The following KRT82 variants were observed in gnomAD, a reference collection of about 807,000 sequenced individuals.
KRT82 encodes keratin, type II cuticular Hb2.
In KRT82, 44 loss-of-function variants were observed where a neutral mutation model predicts 48.0. The ratio of observed to expected loss-of-function variants is 0.92; its 90% CI spans 0.72 to 1.18. The LOEUF (loss-of-function observed/expected upper bound fraction) is 1.18. Among genes scored for constraint, KRT82 ranks in the 50% most tolerant of loss-of-function variants. KRT82 has a pLI of 0.00. For missense variants in KRT82, 701 were observed against 671.4 expected (o/e 1.04, Z -0.49); for synonymous variants, 297 against 278.3 (o/e 1.07, Z -0.67).
In KRT82 at chr12:52,400,106, A is replaced by G; in HGVS notation, c.821T>C (p.Ile274Thr). Reference sequence around the variant, plus strand: ...CTCCCGGCTGTTGTCCATCTTCACAATGACCGAGGTCTCAGAGATCTGAGA... The same window carrying G: ...CTCCCGGCTGTTGTCCATCTTCACAGTGACCGAGGTCTCAGAGATCTGAGA... ...LQSQISETSV[I>T]VKMDNSRELD... Residue 274 changes from isoleucine to threonine, a missense_variant, in exon 5 of 9, where the codon ATT becomes ACT. Transcript: ENST00000257974. 1 of 1,614,032 alleles carries G rather than the reference A, an allele frequency of 6.2e-7. No individual in the cohort carries two copies. Among genetic ancestry groups the G allele is most frequent in the Non-Finnish European group, 8.5e-7 (1 of 1,179,932 alleles).
rs764267511 is a variant in KRT82 at position 52,406,240 on chromosome 12, C to A, written c.38G>T (p.Gly13Val). Residue 13 changes from glycine (G) to valine (V), a missense_variant, in exon 1 of 9, where the codon GGC becomes GTC. By Grantham distance (109) the Gly-to-Val change is moderately radical (BLOSUM62 -3). Coordinates refer to ENST00000257974, the MANE Select transcript of KRT82 (RefSeq NM_033033.4). The stretch of plus-strand genomic sequence containing the variant: ...CGAGTATGAGCTGAAACTCTGACTG[C>A]CACACCTGGAGCCTGGCTGGAAAGA... Reference protein sequence around the residue: ...YHSFQPGSRCGSQSFSSYSAV... With the variant: ...YHSFQPGSRCVSQSFSSYSAV... 8.1e-6 allele frequency: 13 copies of A among 1,606,702 alleles called. No homozygotes were observed. In the Admixed American group the frequency reaches 1.8e-4, roughly 23 times the overall value.
At chr12:52,400,740 T>C in intron 3 of KRT82, 118 bp from the exon 4 acceptor site, 1 of 707,898 alleles carries the variant, frequency 1.4e-6, no homozygotes, top group South Asian at 1.7e-5. Context: ...ATCGAAGGGG[T>C]GATGGAGCCG....
rs764314871 is a variant in KRT82 at position 52,406,043 on chromosome 12, C to T, written c.235G>A (p.Gly79Arg). Reference sequence around the variant, plus strand: ...CCACAGGTGGCTCCCAGTCGGTACCCGAAGCCAGGCAGGGTACCTCCACAC... The same window carrying T: ...CCACAGGTGGCTCCCAGTCGGTACCTGAAGCCAGGCAGGGTACCTCCACAC... Reference protein sequence around the residue: ...SRCGGTLPGFGYRLGATCGPS... With the variant: ...SRCGGTLPGFRYRLGATCGPS... Residue 79 changes from glycine to arginine, a missense_variant, in exon 1 of 9, where the codon GGG becomes AGG. Transcript: ENST00000257974. 3.7e-5 allele frequency: 60 copies of T among 1,614,012 alleles called. No homozygotes were observed. The highest frequency in any genetic ancestry group is 3.3e-4 in the Middle Eastern group (2 of 6,084).
intron 6 of KRT82, 114 bp from the exon 7 acceptor site, chr12:52,396,346 T>C (rs1939715244): frequency 2.0e-6 from 2 of 979,104 alleles, no homozygotes; most frequent in East Asian, 2.6e-5. Flanking sequence ...ATTTGCGAGC[T>C]TCATCCTAGG....
chr12:52,395,440 TCA>T (rs1327462389), intron 8 of KRT82, among the ~76,000 whole-genome samples: 2 of 152,280 alleles, frequency 1.3e-5, no homozygotes, highest in Non-Finnish European at 2.9e-5. Context: ...TCACCATTTC[TCA>T]GTTTCTACTG....
chr12:52,400,474 C>T (rs1007553321), intron 4 of KRT82, 53 bp downstream of exon 4: 16 of 1,396,574 alleles, frequency 1.1e-5, no homozygotes, highest in Middle Eastern at 1.8e-4. Context: ...GCTGCCCTCT[C>T]GATCCCTTGG....
intron 2 of KRT82, among the ~76,000 whole-genome samples, chr12:52,401,752 G>A (rs1415148617): frequency 1.3e-5 from 2 of 151,962 alleles, no homozygotes; most frequent in African/African-American, 2.4e-5. Flanking sequence ...CATCCTCCTC[G>A]CTGGGAGGGT....
intron 1 of KRT82, 23 bp from the exon 2 acceptor site, chr12:52,403,932 A>G (rs993907192): frequency 6.2e-7 from 1 of 1,608,140 alleles, no homozygotes; most frequent in Non-Finnish European, 8.5e-7. Context: ...ATGGAATATC[A>G]CCAGGCAGCA....
chr12:52,399,381 C>T (rs756875600), intron 5 of KRT82, among the ~76,000 whole-genome samples: 7 of 152,194 alleles, frequency 4.6e-5, no homozygotes, highest in Admixed American at 6.5e-5. Context: ...GTGCTTGGCA[C>T]GTGGTTGATG....
Position 52,400,133 on chromosome 12 carries a change from T to C in KRT82, c.794A>G (p.Gln265Arg), listed in dbSNP as rs1370589952. The C allele has an allele frequency of 6.2e-7, 1 of 1,613,640 alleles. No individual in the cohort carries two copies. Among genetic ancestry groups the C allele is most frequent in the South Asian group, 1.1e-5 (1 of 91,056 alleles). The part of the protein sequence containing the change: ...SLYEEEICLL[Q>R]SQISETSVIV... ...GACCGAGGTCTCAGAGATCTGAGAC[T>C]GGAGCAGGCAGATCTCCTGGGGGCA... The change falls in exon 5 of 9, where the codon CAG becomes CGG. Residue 265 changes from glutamine (Q) to arginine (R), a missense_variant. Transcript: ENST00000257974.
At chr12:52,397,646 G>A (rs1437049832) in intron 5 of KRT82, among the ~76,000 whole-genome samples, 2 of 152,186 alleles carry the variant, frequency 1.3e-5, no homozygotes, top group African/African-American at 2.4e-5. Context: ...TATAGAAAAT[G>A]CAAAATGAGA....
rs1458454145 is a variant in KRT82, at chr12:52,395,753, A to C, written c.1321+6T>G. On this transcript the variant is annotated splice_donor_region_variant and intron_variant, in intron 8 of 8. Coordinates refer to ENST00000257974, the MANE Select transcript of KRT82 (RefSeq NM_033033.4). The stretch of plus-strand genomic sequence containing the variant: ...AGAGCCAGTGGGGCATGGCTCATCT[A>C]CTTACAGATATTCACGGGCCCGATG... 1 of 1,557,448 alleles carries C rather than the reference A, an allele frequency of 6.4e-7. No individual in the cohort carries two copies. Among genetic ancestry groups the C allele is most frequent in the Non-Finnish European group, 8.6e-7 (1 of 1,156,706 alleles).
chr12:52,404,186 C>T (rs1939824339), intron 1 of KRT82, among the ~76,000 whole-genome samples: 2 of 152,206 alleles, frequency 1.3e-5, no homozygotes, highest in South Asian at 4.1e-4. Flanking sequence ...AGTCCTGTTT[C>T]AGCACTGCCT....
intron 5 of KRT82, among the ~76,000 whole-genome samples, chr12:52,397,576 T>G (rs916782682): frequency 6.6e-6 from 1 of 152,242 alleles, no homozygotes; most frequent in Non-Finnish European, 1.5e-5. Flanking sequence ...CAGATTACAT[T>G]TGTAAGTTTT....
At chr12:52,405,803 G>C (rs1196377628) in intron 1 of KRT82, 64 bp downstream of exon 1, 3 of 1,520,254 alleles carry the variant, frequency 2.0e-6, no homozygotes, top group Non-Finnish European at 2.7e-6. Context: ...CCTTGGACCA[G>C]AACAAGACCA....
intron 7 of KRT82, 27 bp from the exon 8 acceptor site, chr12:52,395,817 G>C (rs1939704779): frequency 1.3e-6 from 2 of 1,522,106 alleles, no homozygotes; most frequent in East Asian, 4.5e-5. Context: ...AAAGAAAACA[G>C]GTATCTACAT....
Position 52,403,699 on chromosome 12 carries a change from A to G in KRT82, c.620+2T>C. On this transcript the variant is annotated splice_donor_variant, in intron 2 of 8. Transcript: ENST00000257974. LOFTEE classifies it high-confidence loss of function. ...AGTGGGGTAAAAGCAGCACTGACTCACTTTTTCTTGTAGCCCTCCAGTGCA... is the reference window on the plus strand; with the variant it reads ...AGTGGGGTAAAAGCAGCACTGACTCGCTTTTTCTTGTAGCCCTCCAGTGCA... The G allele has an allele frequency of 1.3e-6, 2 of 1,584,104 alleles. No homozygotes were observed. The highest frequency in any genetic ancestry group is 1.7e-6 in the Non-Finnish European group (2 of 1,154,258).
Position 52,405,887 on chromosome 12 carries a change from A to G in KRT82, c.391T>C (p.Phe131Leu). 1 of 1,612,538 alleles carries G rather than the reference A, an allele frequency of 6.2e-7. No homozygotes were observed. Among genetic ancestry groups the G allele is most frequent in the Non-Finnish European group, 8.5e-7 (1 of 1,178,886 alleles). The change falls in exon 1 of 9, where the codon TTC becomes CTC. Residue 131 changes from phenylalanine to leucine, a missense_variant. By Grantham distance (22) the Phe-to-Leu change is conservative. Coordinates refer to ENST00000257974, the MANE Select transcript of KRT82 (RefSeq NM_033033.4). The part of the protein sequence containing the change: ...KEQIKCLNNR[F>L]ASFINKVRFL... The stretch of plus-strand genomic sequence containing the variant: ...CTTACCTTGTTGATGAAAGATGCGA[A>G]ACGGTTGTTGAGGCACTTGATCTGC...
chr12:52,394,881 G>T lies in KRT82; in HGVS notation c.*94C>A. On this transcript the variant is annotated 3_prime_UTR_variant, in exon 9 of 9. Coordinates refer to ENST00000257974, the MANE Select transcript of KRT82 (RefSeq NM_033033.4). ...AATGTGGAGTCAATAAAGGGAGGTG[G>T]GGTTTTGGAACATCCTTGTCTTCAG... The T allele has an allele frequency of 9.4e-7, 1 of 1,059,382 alleles. No homozygotes were observed. The highest frequency in any genetic ancestry group is 1.4e-6 in the Non-Finnish European group (1 of 692,282). 65.6% of individuals were successfully genotyped at this position (1,059,382 alleles called of 1,614,324 possible). A position where few individuals can be genotyped will look rare whatever the true frequency, so the allele number is the denominator to read the frequency against.
Sources: gnomAD v4.1 joint callset for allele counts (sites outside exome capture counted in the v4.1 genomes callset) on GRCh38, gnomAD v4.1.1 for gene constraint, MANE v1.5 for transcripts, NCBI Gene and HGNC (gene_info 2026-07-23, HGNC 2026-07-21) for gene names.